Variants in MAGI2 observed in about 807,000 individuals in gnomAD.
MAGI2 encodes the protein membrane-associated guanylate kinase, WW and PDZ domain-containing protein 2.
A neutral mutation model predicts 133.3 loss-of-function variants in MAGI2; 35 were observed. The observed-to-expected ratio is 0.26, with a 90% CI of 0.20 to 0.35. MAGI2 has a LOEUF of 0.35. Among genes scored for constraint, MAGI2 ranks in the 10% least tolerant of loss-of-function variants. MAGI2 has a pLI of 1.00. For missense variants in MAGI2, 1,636 were observed against 1,863.4 expected, an observed-to-expected ratio of 0.88 and a Z score of 2.25; for synonymous variants, 729 against 710.6, an observed-to-expected ratio of 1.03 and a Z score of -0.41.
intron 1 of MAGI2, among the ~76,000 whole-genome samples, chr7:79,140,328 T>C (rs1015015461): frequency 6.6e-6 from 1 of 152,200 alleles, no homozygotes; most frequent in South Asian, 2.1e-4. Context: ...GCATATCTAT[T>C]TATCAATTAT....
At chr7:78,458,638 GGT>G (rs1563027643) in intron 6 of MAGI2, among the ~76,000 whole-genome samples, 1 of 134,840 alleles carries the variant, frequency 7.4e-6, no homozygotes, top group Non-Finnish European at 1.6e-5. Context: ...TTTTTTGTTA[GGT>G]TTTTTTTTTT....
At chr7:78,655,974 C>A (rs1335638235) in intron 2 of MAGI2, among the ~76,000 whole-genome samples, 5 of 129,500 alleles carry the variant, frequency 3.9e-5, no homozygotes, top group Non-Finnish European at 8.1e-5. Flanking sequence ...GAGCAAGACT[C>A]CGTCTCAAAA....
At chr7:78,265,934 G>C (rs1024102869) in intron 9 of MAGI2, among the ~76,000 whole-genome samples, 6 of 152,160 alleles carry the variant, frequency 3.9e-5, no homozygotes, top group African/African-American at 1.2e-4. Flanking sequence ...CTGCTGGCTG[G>C]GGTGGAGCTG....
intron 1 of MAGI2, chr7:79,176,890 T>C (rs936707675): frequency 2.0e-5 from 3 of 151,848 alleles, no homozygotes; most frequent in South Asian, 2.1e-4. Context: ...GTTGATCTGA[T>C]CCATGTGTCC....
At chr7:78,021,290 G>A (rs1373370579) in intron 21 of MAGI2, among the ~76,000 whole-genome samples, 4 of 152,174 alleles carry the variant, frequency 2.6e-5, no homozygotes, top group Non-Finnish European at 5.9e-5. Flanking sequence ...TTCTTCCACA[G>A]AATTGGTATA....
chr7:78,831,997 A>T (rs931879704), intron 2 of MAGI2, among the ~76,000 whole-genome samples: 2 of 152,168 alleles, frequency 1.3e-5, no homozygotes, highest in African/African-American at 4.8e-5. Flanking sequence ...TACCTGCAGA[A>T]AGAGCGAATC....
intron 5 of MAGI2, among the ~76,000 whole-genome samples, chr7:78,495,228 C>T (rs970109997): frequency 2.0e-5 from 3 of 152,076 alleles, no homozygotes; most frequent in African/African-American, 7.2e-5. Flanking sequence ...CTGTCATCCA[C>T]ATTAGGTATT....
intron 1 of MAGI2, among the ~76,000 whole-genome samples, chr7:79,178,087 C>A (rs966833228): frequency 1.3e-5 from 2 of 151,922 alleles, no homozygotes; most frequent in Admixed American, 1.3e-4. Context: ...AAAATAAGAT[C>A]CTAAAAGTCC....
chr7:78,586,142 A>C (rs1017375216), intron 3 of MAGI2, among the ~76,000 whole-genome samples: 1 of 152,236 alleles, frequency 6.6e-6, no homozygotes, highest in African/African-American at 2.4e-5. Context: ...AGCGTGCTCT[A>C]CAGCTGAGAG....
intron 3 of MAGI2, among the ~76,000 whole-genome samples, chr7:78,536,036 C>T (rs1797870794): frequency 6.7e-6 from 1 of 149,252 alleles, no homozygotes; most frequent in African/African-American, 2.5e-5. Context: ...CCCAGATTTT[C>T]AGGGAGACTG....
chr7:78,148,663 A>C (rs894730606), intron 16 of MAGI2, among the ~76,000 whole-genome samples: 6 of 152,134 alleles, frequency 3.9e-5, no homozygotes, highest in Admixed American at 3.3e-4. Context: ...CATAAAACAC[A>C]AACAGGACTT....
At chr7:78,371,172 C>T (rs998751543) in intron 6 of MAGI2, among the ~76,000 whole-genome samples, 2 of 151,836 alleles carry the variant, frequency 1.3e-5, no homozygotes, top group African/African-American at 4.8e-5. Context: ...TTCACCAAAT[C>T]CCCCAAGCTA....
intron 1 of MAGI2, among the ~76,000 whole-genome samples, chr7:79,151,644 T>C (rs1018247359): frequency 6.6e-6 from 1 of 152,202 alleles, no homozygotes; most frequent in African/African-American, 2.4e-5. Context: ...ACAGTCATTT[T>C]CTGAAATTAT....
intron 9 of MAGI2, among the ~76,000 whole-genome samples, chr7:78,324,410 A>T (rs1177815532): frequency 6.6e-6 from 1 of 152,204 alleles, no homozygotes; most frequent in South Asian, 2.1e-4. Flanking sequence ...AGAACAGCAC[A>T]GTAGTCAAGA....
chr7:79,447,276 C>T (rs944441799), intron 1 of MAGI2, among the ~76,000 whole-genome samples: 1 of 151,932 alleles, frequency 6.6e-6, no homozygotes, highest in Non-Finnish European at 1.5e-5. Context: ...TATTATATTA[C>T]TAAGTTTTCT....
intron 2 of MAGI2, among the ~76,000 whole-genome samples, chr7:78,666,607 C>T (rs1354950504): frequency 2.0e-5 from 3 of 152,190 alleles, no homozygotes; most frequent in African/African-American, 7.2e-5. Flanking sequence ...CTCTCATCTT[C>T]AGCTGACATC....
chr7:79,203,705 A>T (rs1056488294), intron 1 of MAGI2, among the ~76,000 whole-genome samples: 2 of 152,060 alleles, frequency 1.3e-5, no homozygotes, highest in African/African-American at 4.8e-5. Context: ...AAAAAAACCA[A>T]TCCACCAATC....
At chr7:79,066,131 G>A (rs558013494) in intron 1 of MAGI2, among the ~76,000 whole-genome samples, 19 of 152,076 alleles carry the variant, frequency 1.2e-4, no homozygotes, top group African/African-American at 4.6e-4. Flanking sequence ...TTGAGGAATC[G>A]CCATAGTGTC....
chr7:78,051,647 C>T (rs182869959), intron 21 of MAGI2, among the ~76,000 whole-genome samples: 20 of 151,936 alleles, frequency 1.3e-4, no homozygotes, highest in South Asian at 2.1e-4. Flanking sequence ...TGCAGTGGCG[C>T]GATCTTGGCT....
Sources: gnomAD v4.1 joint callset for allele counts (sites outside exome capture counted in the v4.1 genomes callset) on GRCh38, gnomAD v4.1.1 for gene constraint, MANE v1.5 for transcripts, NCBI Gene and HGNC (gene_info 2026-07-23, HGNC 2026-07-21) for gene names.